The following CADM2 variants were observed in gnomAD, a reference collection of about 807,000 sequenced individuals.
CADM2 encodes the protein cell adhesion molecule 2.
Under a neutral mutation model 49.8 loss-of-function variants are expected in CADM2, and 12 were observed. The ratio of observed to expected loss-of-function variants is 0.24; its 90% CI spans 0.15 to 0.39. The LOEUF (loss-of-function observed/expected upper bound fraction) is 0.39, where lower values mean the gene tolerates loss of function less well. Ranked by LOEUF, CADM2 falls within the 10% of genes least tolerant of loss-of-function variation. The pLI is 1.00. For synonymous variants in CADM2, 214 were observed against 175.4 expected, an observed-to-expected ratio of 1.22 and a Z score of -1.74; for missense variants, 378 against 492.3, an observed-to-expected ratio of 0.77 and a Z score of 2.20.
intron 1 of CADM2, among the ~76,000 whole-genome samples, chr3:85,122,050 A>G (rs1284900553): frequency 6.6e-6 from 1 of 150,796 alleles, no homozygotes; most frequent in Admixed American, 6.6e-5. Context: ...CAGCTACATT[A>G]CTCCATCAAT....
At chr3:85,463,378 G>A (rs966191693) in intron 1 of CADM2, among the ~76,000 whole-genome samples, 9 of 151,974 alleles carry the variant, frequency 5.9e-5, no homozygotes. Context: ...ATCTGGCTTG[G>A]GCAGGTTTGA....
chr3:85,497,962 G>A (rs1174649898), intron 1 of CADM2, among the ~76,000 whole-genome samples: 1 of 151,606 alleles, frequency 6.6e-6, no homozygotes, highest in Non-Finnish European at 1.5e-5. Context: ...TTCTGTATTT[G>A]TGAAATTGCC....
intron 1 of CADM2, among the ~76,000 whole-genome samples, chr3:85,221,557 G>A (rs2042044303): frequency 6.6e-6 from 1 of 152,104 alleles, no homozygotes; most frequent in Non-Finnish European, 1.5e-5. Context: ...TTGAAAATTG[G>A]AGAGTATTTT....
At chr3:85,755,132 G>A (rs2069050511) in intron 2 of CADM2, among the ~76,000 whole-genome samples, 1 of 152,086 alleles carries the variant, frequency 6.6e-6, no homozygotes. Context: ...GGAGTCAGTT[G>A]CACAAGACCA....
intron 8 of CADM2, among the ~76,000 whole-genome samples, chr3:85,978,142 G>C (rs568588166): frequency 6.6e-6 from 1 of 151,560 alleles, no homozygotes; most frequent in African/African-American, 2.4e-5. Context: ...TCACTGTGTA[G>C]ATTACATGCC....
chr3:85,583,810 A>C (rs2062860319), intron 1 of CADM2, among the ~76,000 whole-genome samples: 1 of 152,106 alleles, frequency 6.6e-6, no homozygotes, highest in African/African-American at 2.4e-5. Context: ...ATGAAATTAC[A>C]TTTTTTTAAA....
At chr3:85,385,128 T>A (rs1174872823) in intron 1 of CADM2, among the ~76,000 whole-genome samples, 1 of 152,102 alleles carries the variant, frequency 6.6e-6, no homozygotes, top group African/African-American at 2.4e-5. Context: ...ATAGATGGGG[T>A]TTTGCCATGT....
intron 2 of CADM2, among the ~76,000 whole-genome samples, chr3:85,727,688 C>T (rs1044131185): frequency 1.3e-5 from 2 of 152,226 alleles, no homozygotes; most frequent in African/African-American, 2.4e-5. Flanking sequence ...GAATTACAAA[C>T]TATACACACT....
intron 1 of CADM2, among the ~76,000 whole-genome samples, chr3:85,571,895 C>T (rs1347203662): frequency 6.6e-6 from 1 of 152,206 alleles, no homozygotes; most frequent in East Asian, 1.9e-4. Context: ...GAAGTTTAGT[C>T]ATGGTATACA....
At chr3:85,226,884 A>G (rs2042175013) in intron 1 of CADM2, among the ~76,000 whole-genome samples, 1 of 152,098 alleles carries the variant, frequency 6.6e-6, no homozygotes, top group South Asian at 2.1e-4. Flanking sequence ...TTCATTATTT[A>G]CGCAGTAGTC....
In CADM2 at chr3:85,864,284, A is replaced by G. The variant is rs2075643915; in HGVS notation, c.239-19007A>G. On this transcript the variant is annotated intron_variant, in intron 3 of 9. Coordinates refer to ENST00000383699, the MANE Select transcript of CADM2 (RefSeq NM_001167675.2). ...TCTGTAATTATAAACACCTTGCATT[A>G]CTGGACTAAACCCAAATCAGCAGGA... Among the ~76,000 whole-genome samples the G allele has an allele frequency of 5.3e-5, 8 of 152,218 alleles. 1 individual carries two copies.
intron 1 of CADM2, among the ~76,000 whole-genome samples, chr3:85,550,666 G>T (rs2061779872): frequency 6.6e-6 from 1 of 152,100 alleles, no homozygotes; most frequent in Non-Finnish European, 1.5e-5. Flanking sequence ...GCAACTAATT[G>T]TGTTCCTGCG....
intron 1 of CADM2, among the ~76,000 whole-genome samples, chr3:85,026,109 T>C (rs2034716532): frequency 6.6e-6 from 1 of 152,178 alleles, no homozygotes; most frequent in African/African-American, 2.4e-5. Flanking sequence ...TTTGTAAAAA[T>C]AATAATTTTA....
In CADM2 at chr3:85,905,576, A is replaced by G. The variant is rs140285477; in HGVS notation, c.530-6797A>G. 2.8e-3 allele frequency among the ~76,000 whole-genome samples: 423 copies of G among 152,248 alleles called. 1 individual carries two copies. Among genetic ancestry groups the G allele is most frequent in the African/African-American group, 9.8e-3 (409 of 41,572 alleles). ...ATGCTGTACCCAGCGTCTAAAACCT[A>G]TAGAGAAATATAAAAATTAGGAATT... On this transcript the variant is annotated intron_variant, in intron 5 of 9. Transcript: ENST00000383699.
intron 1 of CADM2, among the ~76,000 whole-genome samples, chr3:85,721,215 T>G (rs2067491605): frequency 6.6e-6 from 1 of 152,248 alleles, no homozygotes; most frequent in African/African-American, 2.4e-5. Flanking sequence ...AGTGTAACTT[T>G]TCATATATGA....
At chr3:86,005,459 G>C (rs1730665813) in intron 8 of CADM2, among the ~76,000 whole-genome samples, 1 of 151,812 alleles carries the variant, frequency 6.6e-6, no homozygotes, top group Non-Finnish European at 1.5e-5. Context: ...GCTGAGGCAG[G>C]AGAATTGCTG....
At chr3:85,781,051 G>A (rs1199745741) in intron 2 of CADM2, among the ~76,000 whole-genome samples, 2 of 152,128 alleles carry the variant, frequency 1.3e-5, no homozygotes, top group Admixed American at 1.3e-4. Context: ...CAGATGGCTG[G>A]CAACTAACTG....
intron 1 of CADM2, among the ~76,000 whole-genome samples, chr3:85,701,790 C>G (rs1353813464): frequency 6.6e-6 from 1 of 151,940 alleles, no homozygotes; most frequent in East Asian, 1.9e-4. Context: ...TTATGCATTT[C>G]CTTTGCATAT....
Position 85,926,898 on chromosome 3 carries a change from A to G in CADM2, c.701-8869A>G, listed in dbSNP as rs538767366. ...TCTGATGAATTTAACAGAACATAGT[A>G]TGAAAAACATCAATTGCTAGTGTAG... On this transcript the variant is annotated intron_variant, in intron 6 of 9. Transcript: ENST00000383699. Among the ~76,000 whole-genome samples, 24 of 152,302 alleles carry G rather than the reference A, an allele frequency of 1.6e-4. No homozygotes were observed. The South Asian group carries it at 4.6e-3, about 29-fold the overall frequency.
Sources: allele counts gnomAD v4.1 joint callset (sites outside exome capture counted in the v4.1 genomes callset), GRCh38; gene constraint gnomAD v4.1.1; transcripts MANE v1.5; gene names NCBI Gene and HGNC (gene_info 2026-07-23, HGNC 2026-07-21).